SLCO4C1: variants seen among roughly 807,000 people sequenced by gnomAD.
The protein encoded by SLCO4C1 is solute carrier organic anion transporter family member 4C1.
Under a neutral mutation model 72.1 loss-of-function variants are expected in SLCO4C1, and 58 were observed. That is an observed-to-expected ratio of 0.80 (90% CI 0.65 to 1.00). The LOEUF (loss-of-function observed/expected upper bound fraction) is 1.00, where lower values mean the gene tolerates loss of function less well. Among genes scored for constraint, SLCO4C1 ranks in the 50% least tolerant of loss-of-function variants. The pLI is 0.00. For synonymous variants in SLCO4C1, 297 were observed against 312.5 expected (o/e 0.95, Z 0.52); for missense variants, 898 against 857.9 (o/e 1.05, Z -0.58).
intron 2 of SLCO4C1, among the ~76,000 whole-genome samples, chr5:102,287,164 A>T (rs1043213554): frequency 2.0e-5 from 2 of 97,650 alleles, no homozygotes; most frequent in Non-Finnish European, 5.4e-5. Context: ...ATTAATTTAC[A>T]GGAAGCTTTC....
At chr5:102,264,574 G>A (rs966462974) in intron 3 of SLCO4C1, among the ~76,000 whole-genome samples, 3 of 151,886 alleles carry the variant, frequency 2.0e-5, no homozygotes, top group Middle Eastern at 3.4e-3. Flanking sequence ...TGATCAAATC[G>A]TAGTAATTAG....
intron 8 of SLCO4C1, among the ~76,000 whole-genome samples, chr5:102,251,767 T>A (rs918348611): frequency 6.6e-6 from 1 of 152,184 alleles, no homozygotes; most frequent in African/African-American, 2.4e-5. Context: ...TGGACATAGA[T>A]GTAGCTGAAA....
chr5:102,251,133 C>A (rs552922801), intron 8 of SLCO4C1, among the ~76,000 whole-genome samples: 3 of 152,120 alleles, frequency 2.0e-5, no homozygotes, highest in Admixed American at 1.3e-4. Context: ...ATGTCTGAGG[C>A]ACAGAGTGAT....
At position 102,244,409 on chromosome 5, in the gene SLCO4C1, C is replaced by T. The variant is rs114484544; in HGVS notation, c.1811+2843G>A. Among the ~76,000 whole-genome samples, 1,342 of 151,888 alleles carry T rather than the reference C, an allele frequency of 8.8e-3. 11 individuals are homozygous for T. Among genetic ancestry groups the T allele is most frequent in the Non-Finnish European group, 0.014 (959 of 67,942 alleles). ...CAGCATCTAGAAAATAGCCTCAAAA[C>T]GGAAAATCTAAGAGTTATTGGTCAT... On this transcript the variant is annotated intron_variant, in intron 10 of 12. Transcript: ENST00000310954.
intron 5 of SLCO4C1, among the ~76,000 whole-genome samples, chr5:102,261,672 A>G (rs1371604050): frequency 6.6e-6 from 1 of 152,136 alleles, no homozygotes; most frequent in African/African-American, 2.4e-5. Context: ...AAATTTATTA[A>G]GTACTAAAGA....
chr5:102,237,945 A>G, intron 12 of SLCO4C1, among the ~76,000 whole-genome samples: 1 of 152,192 alleles, frequency 6.6e-6, no homozygotes. Flanking sequence ...AGTTCCAACC[A>G]CAGTATAAGC....
At chr5:102,275,320 A>G (rs1057329606) in intron 2 of SLCO4C1, among the ~76,000 whole-genome samples, 1 of 150,096 alleles carries the variant, frequency 6.7e-6, no homozygotes, top group Non-Finnish European at 1.5e-5. Context: ...AATTCATGAT[A>G]AAAAAGAAGA....
chr5:102,270,637 A>G lies in SLCO4C1; in HGVS notation c.789T>C (p.Ser263=), dbSNP rs2112375330. ...GAGTAAACTTACCTATATAGAGAGA[A>G]GACTTGTGTGTGGGCACAGAATCAT... ...FLDDSVPTHK[S]SLYIGTGYAM... is the part of the protein sequence containing the mutation. The change falls in exon 3 of 13, where the codon TCT becomes TCC. Residue 263 remains serine, a synonymous_variant. Transcript: ENST00000310954. 6.2e-7 allele frequency: 1 copy of G among 1,610,754 alleles called. No homozygotes were observed. Among genetic ancestry groups the G allele is most frequent in the Middle Eastern group, 1.7e-4 (1 of 6,030 alleles).
chr5:102,294,870 G>C (rs117134440), intron 1 of SLCO4C1, among the ~76,000 whole-genome samples: 1 of 152,170 alleles, frequency 6.6e-6, no homozygotes, highest in African/African-American at 2.4e-5. Context: ...CTTAAAAAAT[G>C]AGCTGTTTCC....
chr5:102,240,652 AAAAT>A (rs1554056800), intron 11 of SLCO4C1, 62 bp downstream of exon 11: 1 of 1,350,384 alleles, frequency 7.4e-7, no homozygotes, highest in Non-Finnish European at 1.0e-6. Context: ...CATAAATTAA[AAAAT>A]AAATAACACT....
rs770245407 is a variant in SLCO4C1, at chr5:102,257,325, G to A, written c.1274-15C>T. On this transcript the variant is annotated splice_polypyrimidine_tract_variant and intron_variant, in intron 7 of 12. Coordinates refer to ENST00000310954, the MANE Select transcript of SLCO4C1 (RefSeq NM_180991.5). Reference sequence around the variant, plus strand: ...TAAAACAGCCCCTAATAAGAAAAAAGAATGTAGATTGTGAGAAACCATACA... The same window carrying A: ...TAAAACAGCCCCTAATAAGAAAAAAAAATGTAGATTGTGAGAAACCATACA... 2 of 1,565,176 alleles carry A rather than the reference G, an allele frequency of 1.3e-6. No homozygotes were observed. The highest frequency in any genetic ancestry group is 2.3e-5 in the East Asian group (1 of 43,794).
intron 12 of SLCO4C1, among the ~76,000 whole-genome samples, chr5:102,237,434 T>G (rs1312419168): frequency 7.5e-6 from 1 of 133,872 alleles, no homozygotes; most frequent in Non-Finnish European, 1.7e-5. Flanking sequence ...AAACCCTGTC[T>G]CTACCAAAAA....
chr5:102,279,646 T>TATGA (rs552290455), intron 2 of SLCO4C1, among the ~76,000 whole-genome samples: 199 of 152,034 alleles, frequency 1.3e-3, no homozygotes, highest in African/African-American at 4.6e-3. Context: ...TAATATCCCT[T>TATGA]ATGAATATAG....
intron 5 of SLCO4C1, among the ~76,000 whole-genome samples, chr5:102,261,294 C>T (rs544860842): frequency 6.6e-6 from 1 of 152,158 alleles, no homozygotes; most frequent in Admixed American, 6.5e-5. Context: ...TGCCTGTAGT[C>T]CCAGCTACTC....
At chr5:102,254,657 C>T (rs77325075) in intron 8 of SLCO4C1, among the ~76,000 whole-genome samples, 1 of 152,154 alleles carries the variant, frequency 6.6e-6, no homozygotes, top group East Asian at 1.9e-4. Context: ...AAAATTACAA[C>T]TTGCTGAAGG....
At chr5:102,261,216 C>T (rs565556933) in intron 5 of SLCO4C1, among the ~76,000 whole-genome samples, 14 of 152,130 alleles carry the variant, frequency 9.2e-5, no homozygotes, top group African/African-American at 2.9e-4. Context: ...AGTTCGAGAC[C>T]AGCCTGGCCA....
intron 6 of SLCO4C1, 32 bp from the exon 7 acceptor site, chr5:102,258,119 T>C (rs1341245310): frequency 2.0e-6 from 3 of 1,500,836 alleles, no homozygotes; most frequent in African/African-American, 1.4e-5. Flanking sequence ...CTCAAATGAA[T>C]AGCTATGATT....
chr5:102,252,513 C>G (rs1013638597), intron 8 of SLCO4C1, among the ~76,000 whole-genome samples: 6 of 152,144 alleles, frequency 3.9e-5, no homozygotes, highest in African/African-American at 1.4e-4. Context: ...ACCAGAGTGT[C>G]CGCTCACAGA....
intron 2 of SLCO4C1, among the ~76,000 whole-genome samples, chr5:102,286,908 G>GT (rs906641522): frequency 6.6e-6 from 1 of 151,800 alleles, no homozygotes; most frequent in African/African-American, 2.4e-5. Flanking sequence ...CATATTTTAT[G>GT]TTTTTTTCTA....
Sources: allele counts gnomAD v4.1 joint callset (sites outside exome capture counted in the v4.1 genomes callset), GRCh38; gene constraint gnomAD v4.1.1; transcripts MANE v1.5; gene names NCBI Gene and HGNC (gene_info 2026-07-23, HGNC 2026-07-21).